Variants in ELP3 observed in about 807,000 individuals in gnomAD.
The protein encoded by ELP3 is elongator acetyltransferase complex subunit 3, also known as elongator complex protein 3.
Under a neutral mutation model 74.9 loss-of-function variants are expected in ELP3, and 56 were observed. The observed-to-expected ratio is 0.75, with a 90% CI of 0.60 to 0.93. The LOEUF (loss-of-function observed/expected upper bound fraction) is 0.93. Among genes scored for constraint, ELP3 ranks in the 40% least tolerant of loss-of-function variants. The probability of loss-of-function intolerance (pLI) is 0.00; values close to 1 mark genes in which losing one functional copy is unlikely to be tolerated. For synonymous variants in ELP3, 222 were observed against 239.8 expected (o/e 0.93, Z 0.68); for missense variants, 573 against 686.5 (o/e 0.83, Z 1.85).
intron 8 of ELP3, among the ~76,000 whole-genome samples, chr8:28,131,878 A>C (rs951805342): frequency 6.6e-6 from 1 of 152,212 alleles, no homozygotes; most frequent in Non-Finnish European, 1.5e-5. Context: ...CTGCTTCTGC[A>C]TGGTTTTGAG....
At chr8:28,094,648 G>A (rs1055381574) in intron 1 of ELP3, among the ~76,000 whole-genome samples, 2 of 148,266 alleles carry the variant, frequency 1.3e-5, no homozygotes, top group Admixed American at 6.7e-5. Flanking sequence ...AGGCAGAGGC[G>A]GGAGAATCAC....
At chr8:28,103,627 TC>T (rs2130366789) in intron 3 of ELP3, among the ~76,000 whole-genome samples, 1 of 152,356 alleles carries the variant, frequency 6.6e-6, no homozygotes, top group African/African-American at 2.4e-5. Flanking sequence ...TGCAAACTCT[TC>T]CAGCATGGCT....
At chr8:28,183,197 T>G (rs1434538713) in intron 14 of ELP3, 2 of 459,924 alleles carry the variant, frequency 4.3e-6, no homozygotes. Flanking sequence ...CCCAAAGGGG[T>G]GGATGTCCTG....
chr8:28,151,319 C>T (rs1813635035), intron 10 of ELP3, among the ~76,000 whole-genome samples: 1 of 152,066 alleles, frequency 6.6e-6, no homozygotes, highest in South Asian at 2.1e-4. Flanking sequence ...CATCTTTCTG[C>T]TTACATTCCC....
chr8:28,160,975 A>G (rs1341403003), intron 13 of ELP3, among the ~76,000 whole-genome samples: 3 of 152,184 alleles, frequency 2.0e-5, no homozygotes, highest in East Asian at 3.9e-4. Flanking sequence ...GATTACAGGC[A>G]TGAGCTACTG....
At position 28,156,023 on chromosome 8, in the gene ELP3, C is replaced by A. The variant is rs752434486; in HGVS notation, c.1182C>A (p.Leu394=). The change falls in exon 11 of 15, where the codon CTC becomes CTA. Residue 394 remains leucine (L), a synonymous_variant. Transcript: ENST00000256398. ...TGGCACTTGCAAGAATGAAAGACCT[C>A]GGAATACAGGTAAGAGCAAATATGG... The part of the protein sequence containing the change: ...RELALARMKD[L]GIQCRDVRTR... 1.2e-6 allele frequency: 2 copies of A among 1,613,032 alleles called. No homozygotes were observed. The highest frequency in any genetic ancestry group is 3.3e-5 in the Admixed American group (2 of 59,976).
intron 5 of ELP3, 115 bp from the exon 6 acceptor site, chr8:28,110,255 C>T (rs1811862500): frequency 4.5e-6 from 4 of 896,278 alleles, no homozygotes; most frequent in African/African-American, 1.7e-5. Flanking sequence ...AATGCGGGTA[C>T]AAGCCACGTT....
chr8:28,135,060 C>A (rs182838780), intron 9 of ELP3, among the ~76,000 whole-genome samples: 4 of 152,184 alleles, frequency 2.6e-5, no homozygotes, highest in Non-Finnish European at 4.4e-5. Flanking sequence ...TTCTGAGTAG[C>A]TGGGATTACA....
intron 3 of ELP3, among the ~76,000 whole-genome samples, chr8:28,103,620 A>G (rs1030116747): frequency 1.3e-5 from 2 of 152,244 alleles, no homozygotes; most frequent in Non-Finnish European, 2.9e-5. Context: ...AAAAAACTGC[A>G]AACTCTTCCA....
chr8:28,190,924 G>A lies in ELP3; in HGVS notation c.*1199G>A, dbSNP rs571532665. 1.3e-5 allele frequency: 2 copies of A among 152,308 alleles called. No individual in the cohort carries two copies. The highest frequency in any genetic ancestry group is 2.4e-5 in the African/African-American group (1 of 41,560). The allele number at this position is 152,308 out of a possible 1,614,324, so 9.4% of individuals were successfully genotyped here. ...AAAGGTAAGAGTTCAAGTTCAACCC[G>A]TGTGTGAAAGCAAAACAATGGAAAA... On this transcript the variant is annotated 3_prime_UTR_variant, in exon 15 of 15. Transcript: ENST00000256398.
At chr8:28,090,266 G>A (rs1485356193), upstream of ELP3, 5 of 399,982 alleles carry the variant, frequency 1.3e-5, no homozygotes, top group East Asian at 4.2e-4. Flanking sequence ...TCTGTGCAAG[G>A]AGGAGTGGCC....
At chr8:28,094,618 G>GGAGGCT (rs147362056) in intron 1 of ELP3, among the ~76,000 whole-genome samples, 18,093 of 151,802 alleles carry the variant, frequency 0.12, 1,178 homozygotes, top group East Asian at 0.31. Context: ...CAGCTACTTG[G>GGAGGCT]GAGGCTGAGG....
intron 14 of ELP3, among the ~76,000 whole-genome samples, chr8:28,171,330 T>G (rs989284770): frequency 6.8e-6 from 1 of 146,102 alleles, no homozygotes; most frequent in Admixed American, 7.0e-5. Flanking sequence ...TCTCTACATC[T>G]TTGCCAACAC....
At chr8:28,093,854 G>A (rs1010494967) in intron 1 of ELP3, among the ~76,000 whole-genome samples, 1 of 152,102 alleles carries the variant, frequency 6.6e-6, no homozygotes, top group African/African-American at 2.4e-5. Context: ...CAGAATAATA[G>A]CTACCATTTA....
At chr8:28,111,588 A>G in intron 6 of ELP3, among the ~76,000 whole-genome samples, 1 of 152,216 alleles carries the variant, frequency 6.6e-6, no homozygotes, top group East Asian at 1.9e-4. Context: ...GTGACAGGAG[A>G]GGACTCCATC....
At position 28,156,008 on chromosome 8, in the gene ELP3, A is replaced by C. The variant is rs780997433; in HGVS notation, c.1167A>C (p.Ala389=). The C allele has an allele frequency of 6.8e-6, 11 of 1,613,766 alleles. No homozygotes were observed. Among genetic ancestry groups the C allele is most frequent in the Non-Finnish European group, 9.3e-6 (11 of 1,179,810 alleles). The change falls in exon 11 of 15, where the codon GCA becomes GCC. Residue 389 remains alanine, a synonymous_variant. Coordinates refer to ENST00000256398, the MANE Select transcript of ELP3 (RefSeq NM_018091.6). The part of the protein sequence containing the change: ...EHGNLRELAL[A]RMKDLGIQCR... ...GTAACCTGAGAGAGCTGGCACTTGCAAGAATGAAAGACCTCGGAATACAGG... is the reference window on the plus strand; with the variant it reads ...GTAACCTGAGAGAGCTGGCACTTGCCAGAATGAAAGACCTCGGAATACAGG...
intron 9 of ELP3, among the ~76,000 whole-genome samples, chr8:28,133,678 C>T (rs1371751679): frequency 2.0e-5 from 3 of 152,096 alleles, no homozygotes; most frequent in Non-Finnish European, 4.4e-5. Flanking sequence ...TTTTAATTTG[C>T]TCTGTTTAGA....
intron 14 of ELP3, among the ~76,000 whole-genome samples, chr8:28,168,495 G>A (rs1432954106): frequency 1.3e-5 from 2 of 152,124 alleles, no homozygotes; most frequent in African/African-American, 2.4e-5. Context: ...TATGGATATA[G>A]GGAATCATGG....
At chr8:28,135,514 T>C (rs1052889222) in intron 9 of ELP3, among the ~76,000 whole-genome samples, 7 of 152,194 alleles carry the variant, frequency 4.6e-5, no homozygotes. Context: ...CACCAGTCTA[T>C]GTGCTGGCTT....
Sources: allele counts gnomAD v4.1 joint callset (sites outside exome capture counted in the v4.1 genomes callset), GRCh38; gene constraint gnomAD v4.1.1; transcripts MANE v1.5; gene names NCBI Gene and HGNC (gene_info 2026-07-23, HGNC 2026-07-21).